The following NKAIN2 variants were observed in gnomAD, a reference collection of about 807,000 sequenced individuals.
The protein encoded by NKAIN2 is sodium/potassium transporting ATPase interacting 2, also known as sodium/potassium-transporting ATPase subunit beta-1-interacting protein 2.
In NKAIN2, 14 loss-of-function variants were observed where a neutral mutation model predicts 32.6. The ratio of observed to expected loss-of-function variants is 0.43; its 90% CI spans 0.28 to 0.67. The LOEUF (loss-of-function observed/expected upper bound fraction) is 0.67, where lower values mean the gene tolerates loss of function less well. Among genes scored for constraint, NKAIN2 ranks in the 30% least tolerant of loss-of-function variants. The pLI, the probability that NKAIN2 is intolerant of heterozygous loss-of-function variation, is 0.17. For synonymous variants in NKAIN2, 80 were observed against 87.2 expected (o/e 0.92, Z 0.46); for missense variants, 198 against 258.3 (o/e 0.77, Z 1.60).
At chr6:124,820,078 C>T (rs952700715) in intron 6 of NKAIN2, among the ~76,000 whole-genome samples, 3 of 151,980 alleles carry the variant, frequency 2.0e-5, no homozygotes, top group Non-Finnish European at 4.4e-5. Flanking sequence ...TCTTTTATTT[C>T]TTTCCCCATG....
chr6:124,550,059 C>T (rs1052818769), intron 3 of NKAIN2, among the ~76,000 whole-genome samples: 2 of 152,146 alleles, frequency 1.3e-5, no homozygotes, highest in African/African-American at 4.8e-5. Flanking sequence ...TTGTCTGGGG[C>T]AAATATGACT....
intron 2 of NKAIN2, among the ~76,000 whole-genome samples, chr6:124,310,422 T>C (rs1796666658): frequency 6.6e-6 from 1 of 152,172 alleles, no homozygotes; most frequent in Non-Finnish European, 1.5e-5. Context: ...AGAAAGTTAA[T>C]ATTTGAAATG....
chr6:124,792,418 A>G (rs1180775160), intron 5 of NKAIN2, among the ~76,000 whole-genome samples: 1 of 152,170 alleles, frequency 6.6e-6, no homozygotes, highest in Non-Finnish European at 1.5e-5. Flanking sequence ...TATACAGTAT[A>G]TAATTTATTT....
At chr6:124,246,938 G>A (rs1793439639) in intron 1 of NKAIN2, among the ~76,000 whole-genome samples, 1 of 152,076 alleles carries the variant, frequency 6.6e-6, no homozygotes, top group Non-Finnish European at 1.5e-5. Flanking sequence ...GATGTTTACA[G>A]GACGGTATGC....
chr6:124,156,044 G>A (rs188971122), intron 1 of NKAIN2, among the ~76,000 whole-genome samples: 1 of 152,094 alleles, frequency 6.6e-6, no homozygotes, highest in East Asian at 1.9e-4. Context: ...AGTGAAGGGA[G>A]GTAGAGTTGC....
chr6:124,079,339 AAC>A (rs1783842611), intron 1 of NKAIN2, among the ~76,000 whole-genome samples: 2 of 152,136 alleles, frequency 1.3e-5, no homozygotes, highest in Admixed American at 6.6e-5. Flanking sequence ...AAAGAGAAAA[AAC>A]AGTCAAACTT....
chr6:123,864,113 CTGT>C (rs1177232774), intron 1 of NKAIN2, among the ~76,000 whole-genome samples: 1 of 151,658 alleles, frequency 6.6e-6, no homozygotes, highest in Non-Finnish European at 1.5e-5. Flanking sequence ...TCTTTATTTC[CTGT>C]TGTTGAAAGC....
intron 3 of NKAIN2, among the ~76,000 whole-genome samples, chr6:124,644,408 CTTT>C (rs34696279): frequency 2.9e-5 from 4 of 139,850 alleles, no homozygotes; most frequent in Admixed American, 7.1e-5. Flanking sequence ...CTTTTCTTTT[CTTT>C]TTTTTTTTTT....
intron 2 of NKAIN2, among the ~76,000 whole-genome samples, chr6:124,288,913 G>A (rs1218485378): frequency 1.3e-5 from 2 of 152,104 alleles, no homozygotes; most frequent in Non-Finnish European, 2.9e-5. Context: ...CACCAAGTTA[G>A]ACTACAATAA....
intron 3 of NKAIN2, among the ~76,000 whole-genome samples, chr6:124,566,539 A>C (rs151098952): frequency 2.6e-5 from 4 of 152,106 alleles, no homozygotes; most frequent in Non-Finnish European, 4.4e-5. Context: ...CTGTTTCCTC[A>C]GCTACATTAA....
At chr6:124,092,957 A>T (rs9482507) in intron 1 of NKAIN2, among the ~76,000 whole-genome samples, 3,120 of 152,068 alleles carry the variant, frequency 0.021, 105 homozygotes, top group African/African-American at 0.072. Context: ...AATCCACTTA[A>T]ATTTGCATCA....
At chr6:123,853,454 C>T (rs1345775702) in intron 1 of NKAIN2, among the ~76,000 whole-genome samples, 1 of 152,140 alleles carries the variant, frequency 6.6e-6, no homozygotes, top group Admixed American at 6.5e-5. Context: ...ACATTTCGGT[C>T]ATTCATTCTA....
chr6:124,167,441 A>C (rs1487462445), intron 1 of NKAIN2, among the ~76,000 whole-genome samples: 3 of 152,130 alleles, frequency 2.0e-5, no homozygotes, highest in Admixed American at 6.5e-5. Context: ...GGTTTTTTAG[A>C]TATACAATGA....
chr6:124,038,818 G>A (rs1214387469), intron 1 of NKAIN2, among the ~76,000 whole-genome samples: 1 of 152,042 alleles, frequency 6.6e-6, no homozygotes, highest in Admixed American at 6.6e-5. Context: ...ACCTTTGTTA[G>A]TACTGTTTCC....
At chr6:123,946,659 A>G (rs1301183638) in intron 1 of NKAIN2, among the ~76,000 whole-genome samples, 1 of 152,214 alleles carries the variant, frequency 6.6e-6, no homozygotes, top group East Asian at 1.9e-4. Flanking sequence ...ACAGAACAAG[A>G]TCTGATATTG....
intron 1 of NKAIN2, among the ~76,000 whole-genome samples, chr6:124,042,405 G>A (rs1781911256): frequency 6.6e-6 from 1 of 152,026 alleles, no homozygotes; most frequent in Non-Finnish European, 1.5e-5. Context: ...CCATATTAAT[G>A]GGTGGTCCAG....
At chr6:124,113,483 C>A (rs1785477043) in intron 1 of NKAIN2, among the ~76,000 whole-genome samples, 1 of 152,062 alleles carries the variant, frequency 6.6e-6, no homozygotes, top group African/African-American at 2.4e-5. Context: ...TCACTCTGTG[C>A]TGAGCAGTGG....
intron 3 of NKAIN2, among the ~76,000 whole-genome samples, chr6:124,466,143 A>G (rs1776745511): frequency 6.6e-6 from 1 of 152,142 alleles, no homozygotes; most frequent in South Asian, 2.1e-4. Context: ...ATTCAAGCAC[A>G]AATCCCTGGA....
At chr6:123,943,235 G>A (rs235674) in intron 1 of NKAIN2, among the ~76,000 whole-genome samples, 12,804 of 152,038 alleles carry the variant, frequency 0.084, 1,712 homozygotes, top group African/African-American at 0.28. Flanking sequence ...AATACAACCA[G>A]ATTTTTCTAA....
Sources: allele counts gnomAD v4.1 joint callset (sites outside exome capture counted in the v4.1 genomes callset), GRCh38; gene constraint gnomAD v4.1.1; transcripts MANE v1.5; gene names NCBI Gene and HGNC (gene_info 2026-07-23, HGNC 2026-07-21).